DNAH5: variants seen among roughly 807,000 people sequenced by gnomAD.
The protein encoded by DNAH5 is dynein axonemal heavy chain 5.
DNAH5 carries 372 observed loss-of-function variants against 518.2 expected under a neutral mutation model. The ratio of observed to expected loss-of-function variants is 0.72; its 90% CI spans 0.66 to 0.78. DNAH5 has a LOEUF of 0.78. Among genes scored for constraint, DNAH5 ranks in the 30% least tolerant of loss-of-function variants. The pLI, the probability that DNAH5 is intolerant of heterozygous loss-of-function variation, is 0.00. For missense variants in DNAH5, 5,523 were observed against 5,687.0 expected, an observed-to-expected ratio of 0.97 and a Z score of 0.93; for synonymous variants, 2,039 against 2,025.9, an observed-to-expected ratio of 1.01 and a Z score of -0.17.
chr5:13,962,087 T>C (rs1288474982), intron 1 of DNAH5, among the ~76,000 whole-genome samples: 1 of 152,164 alleles, frequency 6.6e-6, no homozygotes, highest in South Asian at 2.1e-4. Flanking sequence ...TTTGGATATA[T>C]GCATATACCC....
At chr5:13,932,590 A>G (rs1778528114) in intron 1 of DNAH5, 2 of 152,370 alleles carry the variant, frequency 1.3e-5, no homozygotes, top group Middle Eastern at 3.4e-3. Context: ...GAACCACATT[A>G]CAAAGTTTAA....
At chr5:13,793,016 C>T (rs549493555) in intron 49 of DNAH5, among the ~76,000 whole-genome samples, 1 of 152,296 alleles carries the variant, frequency 6.6e-6, no homozygotes, top group Admixed American at 6.5e-5. Context: ...CTATGAAATA[C>T]TACATATTTA....
At chr5:13,949,668 G>A (rs1374580726), upstream of DNAH5, among the ~76,000 whole-genome samples, 3 of 152,190 alleles carry the variant, frequency 2.0e-5, no homozygotes, top group South Asian at 2.1e-4. Flanking sequence ...GGAAGAGAGC[G>A]GCTTGGGGCT....
At chr5:13,924,056 A>C (rs1276379011) in intron 3 of DNAH5, among the ~76,000 whole-genome samples, 1 of 152,086 alleles carries the variant, frequency 6.6e-6, no homozygotes, top group African/African-American at 2.4e-5. Flanking sequence ...AAAAACAAAA[A>C]CAACTCTGAG....
chr5:13,711,094 T>C (rs948629862), intron 75 of DNAH5, among the ~76,000 whole-genome samples: 2 of 152,194 alleles, frequency 1.3e-5, no homozygotes, highest in Non-Finnish European at 1.5e-5. Flanking sequence ...ATATCCTCGA[T>C]GGACATAGAT....
intron 1 of DNAH5, among the ~76,000 whole-genome samples, chr5:13,936,246 G>A (rs1193473074): frequency 6.6e-6 from 1 of 152,088 alleles, no homozygotes; most frequent in African/African-American, 2.4e-5. Flanking sequence ...TGAAAGTGTT[G>A]GACTAGGTGA....
intron 67 of DNAH5, 145 bp downstream of exon 67, chr5:13,735,673 G>C (rs1747290744): frequency 6.6e-6 from 5 of 758,192 alleles, no homozygotes; most frequent in Non-Finnish European, 7.0e-6. Flanking sequence ...AGAATGATTT[G>C]TTAACACATT....
intron 3 of DNAH5, among the ~76,000 whole-genome samples, chr5:13,924,896 T>C (rs1027493029): frequency 2.0e-5 from 3 of 152,196 alleles, no homozygotes; most frequent in African/African-American, 4.8e-5. Flanking sequence ...TTCATTGTGT[T>C]CTTACCTGCC....
chr5:13,813,884 A>G (rs1761055952), intron 43 of DNAH5, among the ~76,000 whole-genome samples: 1 of 152,220 alleles, frequency 6.6e-6, no homozygotes, highest in East Asian at 1.9e-4. Flanking sequence ...AATGTTTTCA[A>G]TCAAAATCAT....
At chr5:13,705,985 A>G (rs893526883) in intron 76 of DNAH5, among the ~76,000 whole-genome samples, 5 of 152,166 alleles carry the variant, frequency 3.3e-5, no homozygotes, top group African/African-American at 9.7e-5. Context: ...TGGACTTGCC[A>G]CCTCCAGAAT....
In DNAH5 at chr5:13,839,539, A is replaced by G. The variant is rs750184432; in HGVS notation, c.5710-11T>C. 74 of 1,610,426 alleles carry G rather than the reference A, an allele frequency of 4.6e-5. No individual in the cohort carries two copies. The highest frequency in any genetic ancestry group is 6.0e-5 in the Non-Finnish European group (71 of 1,177,190). ...GATATGCATATGACACTGAAATTCA[A>G]AAGGTATATGTTAGAGCTCTGATGA... On this transcript the variant is annotated splice_polypyrimidine_tract_variant and intron_variant, in intron 34 of 78. Coordinates refer to ENST00000265104, the MANE Select transcript of DNAH5 (RefSeq NM_001369.3).
At chr5:14,004,044 A>G (rs946578883) in intron 1 of DNAH5, among the ~76,000 whole-genome samples, 1 of 152,222 alleles carries the variant, frequency 6.6e-6, no homozygotes, top group Admixed American at 6.5e-5. Context: ...TCAAGTCACT[A>G]ACTTTGGGAG....
intron 41 of DNAH5, among the ~76,000 whole-genome samples, chr5:13,818,769 T>C (rs542776365): frequency 6.6e-6 from 1 of 152,330 alleles, no homozygotes; most frequent in African/African-American, 2.4e-5. Flanking sequence ...CTTCAAAGTA[T>C]GCAATATTAA....
chr5:13,994,956 G>A (rs1162448347), intron 1 of DNAH5, among the ~76,000 whole-genome samples: 3 of 152,154 alleles, frequency 2.0e-5, no homozygotes, highest in Non-Finnish European at 1.5e-5. Flanking sequence ...AAGAATCCAC[G>A]CAAGCCAGAA....
rs769666008 is a variant in DNAH5, at chr5:13,714,593, C to T, written c.12937G>A (p.Val4313Met). 1.2e-6 allele frequency: 2 copies of T among 1,614,116 alleles called. No homozygotes were observed. Among genetic ancestry groups the T allele is most frequent in the African/African-American group, 2.7e-5 (2 of 75,054 alleles). ...TCAGCATTGGGGTGCAGCCCAAACACCTCAGGGCTGTCATAGGCAGGCAAA... is the reference window on the plus strand; with the variant it reads ...TCAGCATTGGGGTGCAGCCCAAACATCTCAGGGCTGTCATAGGCAGGCAAA... ...QSLPAYDSPEVFGLHPNADIT... is the reference protein window; with the variant it reads ...QSLPAYDSPEMFGLHPNADIT... The change falls in exon 75 of 79, where the codon GTG becomes ATG. Residue 4313 changes from valine to methionine, a missense_variant. Val to Met is a conservative substitution (Grantham distance 21). Around this residue, in one of 3 missense-constraint regions of DNAH5, gnomAD observed 387 missense variants for 430.0 expected, o/e 0.90. Transcript: ENST00000265104.
intron 1 of DNAH5, among the ~76,000 whole-genome samples, chr5:13,978,754 T>C (rs1405526802): frequency 6.6e-6 from 1 of 152,196 alleles, no homozygotes; most frequent in Non-Finnish European, 1.5e-5. Flanking sequence ...GGCTATAGCA[T>C]CCAGGTTTGT....
At chr5:13,857,673 C>T (rs1767821310) in intron 30 of DNAH5, among the ~76,000 whole-genome samples, 1 of 151,994 alleles carries the variant, frequency 6.6e-6, no homozygotes, top group Non-Finnish European at 1.5e-5. Flanking sequence ...ATATATAGAC[C>T]AAGGGAACAG....
Position 13,826,307 on chromosome 5 carries a change from G to T in DNAH5, c.6445-1974C>A, listed in dbSNP as rs374858459. On this transcript the variant is annotated intron_variant, in intron 38 of 78. Coordinates refer to ENST00000265104, the MANE Select transcript of DNAH5 (RefSeq NM_001369.3). ...AGATAAGAGCAGGAGCCAGTGATGTGGGAAGTTTTCTCCATTCAAGAAACA... is the reference window on the plus strand; with the variant it reads ...AGATAAGAGCAGGAGCCAGTGATGTTGGAAGTTTTCTCCATTCAAGAAACA... Among the ~76,000 whole-genome samples, 16 of 152,272 alleles carry T rather than the reference G, an allele frequency of 1.1e-4. No individual in the cohort carries two copies. In the South Asian group the frequency reaches 3.3e-3, roughly 32 times the overall value.
intron 31 of DNAH5, among the ~76,000 whole-genome samples, chr5:13,845,994 CTAA>C (rs1364214591): frequency 6.8e-6 from 1 of 146,472 alleles, no homozygotes; most frequent in Non-Finnish European, 1.5e-5. Context: ...CCACGCCCAG[CTAA>C]TATTTTTTTT....
Sources: gnomAD v4.1 joint callset for allele counts (sites outside exome capture counted in the v4.1 genomes callset) on GRCh38, gnomAD v4.1.1 for gene constraint, gnomAD v4.1.1 regional missense constraint, MANE v1.5 for transcripts, NCBI Gene and HGNC (gene_info 2026-07-23, HGNC 2026-07-21) for gene names.